The following USP46 variants were observed in gnomAD, a reference collection of about 807,000 sequenced individuals.
USP46 encodes the protein ubiquitin carboxyl-terminal hydrolase 46.
In USP46, 12 loss-of-function variants were observed where a neutral mutation model predicts 44.4. The ratio of observed to expected loss-of-function variants is 0.27; its 90% CI spans 0.17 to 0.44. The LOEUF is 0.44. Ranked by LOEUF, USP46 falls within the 20% of genes least tolerant of loss-of-function variation. The probability of loss-of-function intolerance (pLI) is 1.00; values close to 1 mark genes in which losing one functional copy is unlikely to be tolerated. For synonymous variants in USP46, 155 were observed against 161.5 expected, an observed-to-expected ratio of 0.96 and a Z score of 0.31; for missense variants, 248 against 444.8, an observed-to-expected ratio of 0.56 and a Z score of 3.98.
At chr4:52,641,440 A>G (rs963587484) in intron 1 of USP46, among the ~76,000 whole-genome samples, 2 of 152,216 alleles carry the variant, frequency 1.3e-5, no homozygotes, top group African/African-American at 4.8e-5. Flanking sequence ...ACAAACAACA[A>G]TAACAAAATC....
At chr4:52,612,588 C>G (rs570830364) in intron 4 of USP46, among the ~76,000 whole-genome samples, 208 of 152,344 alleles carry the variant, frequency 1.4e-3, no homozygotes, top group Middle Eastern at 0.014. Flanking sequence ...AAGGATAACC[C>G]CAGGCTAGCC....
Position 52,628,019 on chromosome 4 carries a change from C to A in USP46, c.262G>T (p.Ala88Ser). ...TCLADLFHSIATQKKKVGVIP... is the reference protein window; with the variant it reads ...TCLADLFHSISTQKKKVGVIP... ...ACGCCAACCTTCTTCTTCTGTGTGG[C>A]AATGCTGTGGAAAAGGTCCGCCAGG... The change falls in exon 3 of 9, where the codon GCC (alanine) becomes TCC (serine). Residue 88 changes from alanine (A) to serine (S), a missense_variant. Ala to Ser is a moderately conservative substitution (Grantham distance 99). Around this residue, in one of 5 missense-constraint regions of USP46, gnomAD observed 54 missense variants for 135.0 expected, o/e 0.40. Transcript: ENST00000441222. 6.2e-7 allele frequency: 1 copy of A among 1,613,880 alleles called. No individual in the cohort carries two copies. Among genetic ancestry groups the A allele is most frequent in the Non-Finnish European group, 8.5e-7 (1 of 1,179,854 alleles).
chr4:52,608,644 G>A (rs899976231), intron 5 of USP46, among the ~76,000 whole-genome samples: 2 of 152,068 alleles, frequency 1.3e-5, no homozygotes, highest in Non-Finnish European at 2.9e-5. Context: ...GCCCAATCCC[G>A]CACCCCTCCA....
chr4:52,621,121 CAGAT>C (rs984524587), intron 4 of USP46, among the ~76,000 whole-genome samples: 2 of 152,016 alleles, frequency 1.3e-5, no homozygotes, highest in African/African-American at 4.8e-5. Flanking sequence ...ATTCAAAGAA[CAGAT>C]AGATAAAAAC....
chr4:52,601,754 A>C (rs867654785), intron 7 of USP46, 103 bp downstream of exon 7: 63 of 1,260,330 alleles, frequency 5.0e-5, no homozygotes, highest in Middle Eastern at 5.8e-4. Context: ...AGATCCCAAA[A>C]CTATTGAGTG....
intron 2 of USP46, among the ~76,000 whole-genome samples, chr4:52,630,458 T>C (rs1301142092): frequency 6.6e-6 from 1 of 152,086 alleles, no homozygotes; most frequent in Non-Finnish European, 1.5e-5. Flanking sequence ...GCAGAACATA[T>C]AAAAGCAGAT....
At chr4:52,604,446 C>G (rs1032280839) in intron 6 of USP46, 55 bp downstream of exon 6, 1 of 1,465,262 alleles carries the variant, frequency 6.8e-7, no homozygotes, top group South Asian at 1.2e-5. Flanking sequence ...CTGGGCCCCA[C>G]AGTCGGGATC....
In USP46 at chr4:52,626,297, T is replaced by A. The variant is rs764684443; in HGVS notation, c.332-50A>T. 6.1e-6 allele frequency: 9 copies of A among 1,485,962 alleles called. No homozygotes were observed. In the South Asian group the frequency reaches 1.1e-4, roughly 18 times the overall value. The allele number at this position is 1,485,962 out of a possible 1,614,324, so 92.0% of individuals were successfully genotyped here. A position where few individuals can be genotyped will look rare whatever the true frequency, so the allele number is the denominator to read the frequency against. ...CAGTCTCTGGTTCTTGAAAAGCAAA[T>A]GGATGTAATTAGTGTTACATGCCAT... On this transcript the variant is annotated intron_variant, in intron 3 of 8. Coordinates refer to ENST00000441222, the MANE Select transcript of USP46 (RefSeq NM_022832.4).
intron 1 of USP46, among the ~76,000 whole-genome samples, chr4:52,634,119 C>CT (rs778051273): frequency 1.8e-3 from 259 of 144,468 alleles, no homozygotes; most frequent in Middle Eastern, 3.8e-3. Flanking sequence ...TGTCTTTTTT[C>CT]TTTTTTTTTT....
chr4:52,658,403 A>T (rs556902263), intron 1 of USP46: 2 of 399,720 alleles, frequency 5.0e-6, no homozygotes, highest in Admixed American at 5.5e-5. Flanking sequence ...AGCCTCCCCT[A>T]GGTCTACAGC....
chr4:52,602,032 T>G lies in USP46; in HGVS notation c.745A>C (p.Met249Leu), dbSNP rs1430179307. 5 of 1,613,160 alleles carry G rather than the reference T, an allele frequency of 3.1e-6. No individual in the cohort carries two copies. The South Asian group carries it at 5.5e-5, about 18-fold the overall frequency. ...CGCTTTAGGTGCAGGGCCAAGATCA[T>G]GGGCAGCTTTTTTACCCTCATCCTA... The part of the protein sequence containing the change: ...QKRMRVKKLP[M>L]ILALHLKRFK... Residue 249 changes from methionine (M) to leucine (L), a missense_variant, in exon 7 of 9, where the codon ATG (methionine) becomes CTG (leucine). Around this residue, in one of 5 missense-constraint regions of USP46, gnomAD observed 98 missense variants for 218.2 expected, o/e 0.45. Transcript: ENST00000441222.
At chr4:52,643,622 G>GT (rs1343223177) in intron 1 of USP46, among the ~76,000 whole-genome samples, 1 of 152,234 alleles carries the variant, frequency 6.6e-6, no homozygotes, top group Non-Finnish European at 1.5e-5. Flanking sequence ...CTAGTAGAAT[G>GT]TCTGGTTGTA....
chr4:52,602,075 A>C (rs1303059571), intron 6 of USP46, 21 bp from the exon 7 acceptor site: 1 of 1,605,288 alleles, frequency 6.2e-7, no homozygotes, highest in Non-Finnish European at 8.5e-7. Context: ...AAGAAATAGA[A>C]AATCAGTTGT....
intron 1 of USP46, among the ~76,000 whole-genome samples, chr4:52,636,724 A>AGAC (rs1718131918): frequency 6.6e-6 from 1 of 151,398 alleles, no homozygotes; most frequent in Admixed American, 6.6e-5. Flanking sequence ...AAAAAAAAAA[A>AGAC]AAAAAGACAC....
chr4:52,621,313 C>A (rs1390519002), intron 4 of USP46, among the ~76,000 whole-genome samples: 1 of 152,016 alleles, frequency 6.6e-6, no homozygotes, highest in East Asian at 1.9e-4. Context: ...AAAGATAAAG[C>A]CCCAATTCAG....
chr4:52,626,087 T>C lies in USP46; in HGVS notation c.492A>G (p.Glu164=). The C allele has an allele frequency of 3.1e-6, 5 of 1,613,794 alleles. No homozygotes were observed. Among genetic ancestry groups the C allele is most frequent in the Non-Finnish European group, 4.2e-6 (5 of 1,179,836 alleles). The stretch of plus-strand genomic sequence containing the variant: ...GAAAAATCTCATGGACCCAGGTGAG[T>C]TCTGGTTTATTATTTTCCGCAGGTT... ...MNEPAENNKP[E]LTWVHEIFQG... Residue 164 remains glutamate (E), a synonymous_variant, in exon 4 of 9, where the codon GAA becomes GAG. Transcript: ENST00000441222.
At chr4:52,652,854 C>T (rs1021524083) in intron 1 of USP46, among the ~76,000 whole-genome samples, 16 of 151,994 alleles carry the variant, frequency 1.1e-4, no homozygotes, top group Admixed American at 8.5e-4. Flanking sequence ...GGGGAGTACA[C>T]GAGTATTCAC....
At chr4:52,627,819 T>C in intron 3 of USP46, 131 bp downstream of exon 3, 5 of 1,024,596 alleles carry the variant, frequency 4.9e-6, no homozygotes, top group Non-Finnish European at 6.9e-6. Flanking sequence ...TCTTAAAAAA[T>C]GACACCGAGT....
intron 1 of USP46, among the ~76,000 whole-genome samples, chr4:52,640,086 T>C (rs1718277082): frequency 6.6e-6 from 1 of 152,038 alleles, no homozygotes; most frequent in African/African-American, 2.4e-5. Flanking sequence ...TGGGAGTAAC[T>C]TGAATTGGGT....
Sources: allele counts gnomAD v4.1 joint callset (sites outside exome capture counted in the v4.1 genomes callset), GRCh38; gene constraint gnomAD v4.1.1; regional missense constraint gnomAD v4.1.1; transcripts MANE v1.5; gene names NCBI Gene and HGNC (gene_info 2026-07-23, HGNC 2026-07-21).